MAP3K10: variants seen among roughly 807,000 people sequenced by gnomAD.
MAP3K10 encodes the protein mitogen-activated protein kinase kinase kinase 10.
A neutral mutation model predicts 75.0 loss-of-function variants in MAP3K10; 22 were observed. The ratio of observed to expected loss-of-function variants is 0.29; its 90% CI spans 0.21 to 0.42. The LOEUF (loss-of-function observed/expected upper bound fraction) is 0.42, where lower values mean the gene tolerates loss of function less well. MAP3K10 is among the 10% of genes least tolerant of loss of function. MAP3K10 has a pLI of 1.00. For synonymous variants in MAP3K10, 599 were observed against 612.9 expected (o/e 0.98, Z 0.34); for missense variants, 1,165 against 1,379.8 (o/e 0.84, Z 2.47).
chr19:40,207,163 A>G (rs1378443620), intron 5 of MAP3K10, among the ~76,000 whole-genome samples: 2 of 152,218 alleles, frequency 1.3e-5, no homozygotes, highest in African/African-American at 4.8e-5. Context: ...CTACAAAAAC[A>G]GAAGTTTCAC....
rs561716797 is a variant in MAP3K10, at chr19:40,191,767, C to T, written c.-265C>T. ...GCCGCGCGGCCAGGCCCTCTTAGCCCTCTGCCGTTTGGGGGGCACGGGTGA... is the reference window on the plus strand; with the variant it reads ...GCCGCGCGGCCAGGCCCTCTTAGCCTTCTGCCGTTTGGGGGGCACGGGTGA... On this transcript the variant is annotated 5_prime_UTR_variant, in exon 1 of 10. Transcript: ENST00000253055. 1.7e-3 allele frequency: 657 copies of T among 377,544 alleles called. 4 individuals are homozygous for T. The highest frequency in any genetic ancestry group is 0.013 in the African/African-American group (611 of 47,722). 23.4% of individuals were successfully genotyped at this position (377,544 alleles called of 1,614,324 possible).
rs1568494180 is a variant in MAP3K10, at chr19:40,212,877, G to A, written c.1625G>A (p.Gly542Glu). ...GGAAGTGGGACATGGAGCCGCGGTG[G>A]GCCCCCAAAGAAGGAAGAACTGGTC... is the stretch of plus-strand genomic sequence containing the variant. Reference protein sequence around the residue: ...SGGSGTWSRGGPPKKEELVGG... With the variant: ...SGGSGTWSRGEPPKKEELVGG... The change falls in exon 7 of 10, where the codon GGG becomes GAG. Residue 542 changes from glycine (G) to glutamate (E), a missense_variant. Coordinates refer to ENST00000253055, the MANE Select transcript of MAP3K10 (RefSeq NM_002446.4). The surrounding 1 kb of genome is among the most constrained non-coding windows in gnomAD (Gnocchi z 4.2). The A allele has an allele frequency of 1.2e-6, 2 of 1,612,352 alleles. No homozygotes were observed.
intron 1 of MAP3K10, among the ~76,000 whole-genome samples, chr19:40,195,360 A>T (rs1187322894): frequency 6.6e-6 from 1 of 151,972 alleles, no homozygotes; most frequent in Non-Finnish European, 1.5e-5. Context: ...TTTCGATACA[A>T]ACAGGAGAGG....
chr19:40,208,763 A>G (rs1372808637), intron 5 of MAP3K10, among the ~76,000 whole-genome samples: 1 of 151,978 alleles, frequency 6.6e-6, no homozygotes, highest in Non-Finnish European at 1.5e-5. Context: ...CAAGGTGCTC[A>G]GCTGCTACAC....
intron 5 of MAP3K10, among the ~76,000 whole-genome samples, chr19:40,208,345 C>CTTTTTTTCTTTT (rs1973163154): frequency 1.8e-5 from 1 of 55,904 alleles, no homozygotes; most frequent in Non-Finnish European, 3.3e-5. Context: ...CTCTTTCTTT[C>CTTTTTTTCTTTT]TTTTTTTTTT....
At chr19:40,202,383 C>G (rs921290002) in intron 2 of MAP3K10, among the ~76,000 whole-genome samples, 1 of 152,214 alleles carries the variant, frequency 6.6e-6, no homozygotes, top group Non-Finnish European at 1.5e-5. Context: ...GCTCCTGTGC[C>G]TGTCTGCTGT....
chr19:40,205,279 C>T lies in MAP3K10; in HGVS notation c.1171C>T (p.Leu391Phe). ...KLEIQHMFDD[L>F]RTKEKELRSR... ...GGAGATTCAGCACATGTTTGATGAC[C>T]TTCGGACCAAGGAGAAGGTGAAGGC... The change falls in exon 4 of 10, where the codon CTT (leucine) becomes TTT (phenylalanine). Residue 391 changes from leucine to phenylalanine, a missense_variant. Leu to Phe is a conservative substitution (Grantham distance 22, BLOSUM62 0). Around this residue, in one of 2 missense-constraint regions of MAP3K10, gnomAD observed 575 missense variants for 793.2 expected, o/e 0.72. Transcript: ENST00000253055. The surrounding 1 kb of genome is among the most constrained non-coding windows in gnomAD (Gnocchi z 4.3). 1 of 1,614,008 alleles carries T rather than the reference C, an allele frequency of 6.2e-7. No homozygotes were observed. Among genetic ancestry groups the T allele is most frequent in the Non-Finnish European group, 8.5e-7 (1 of 1,180,002 alleles).
chr19:40,209,053 G>T, intron 5 of MAP3K10, 50 bp from the exon 6 acceptor site: 2 of 1,343,844 alleles, frequency 1.5e-6, no homozygotes, highest in African/African-American at 1.4e-5. Context: ...AATTCCCTTT[G>T]GTAATCCCTG....
intron 6 of MAP3K10, among the ~76,000 whole-genome samples, chr19:40,209,477 A>G (rs1176083941): frequency 1.3e-5 from 2 of 151,298 alleles, no homozygotes; most frequent in Non-Finnish European, 2.9e-5. Context: ...CAGTGGTGCA[A>G]TCTTAGCTCA....
At position 40,198,541 on chromosome 19, in the gene MAP3K10, C is replaced by G; in HGVS notation, c.849C>G (p.Ser283Arg). The G allele has an allele frequency of 6.2e-7, 1 of 1,612,492 alleles. No individual in the cohort carries two copies. Among genetic ancestry groups the G allele is most frequent in the Admixed American group, 1.7e-5 (1 of 59,866 alleles). Reference sequence around the variant, plus strand: ...TCCGTCTCTCCCTCTTCTCCAAAAGCAGTGATGTCTGGAGGTGCTGAAAGG... The same window carrying G: ...TCCGTCTCTCCCTCTTCTCCAAAAGGAGTGATGTCTGGAGGTGCTGAAAGG... ...EVIRLSLFSK[S>R]SDVWSFGVLL... The change falls in exon 2 of 10, where the codon AGC becomes AGG. Residue 283 changes from serine to arginine, a missense_variant. Ser to Arg is a moderately radical substitution (Grantham distance 110). Transcript: ENST00000253055. This position sits in a 1 kb window ranked among gnomAD's most constrained non-coding sequence, Gnocchi z 4.3.
In MAP3K10 at chr19:40,214,173, G is replaced by A. The variant is rs763491728; in HGVS notation, c.2494G>A (p.Gly832Arg). 1.3e-6 allele frequency: 2 copies of A among 1,485,996 alleles called. No individual in the cohort carries two copies. The highest frequency in any genetic ancestry group is 2.7e-5 in the East Asian group (1 of 36,932). The allele number at this position is 1,485,996 out of a possible 1,614,324, so 92.1% of individuals were successfully genotyped here. The change falls in exon 9 of 10, where the codon GGG becomes AGG. Residue 832 changes from glycine (G) to arginine (R), a missense_variant. Gly to Arg is a moderately radical substitution (Grantham distance 125). Transcript: ENST00000253055. ...CGGGCACCGGCGGACGCCATCGGAC[G>A]GGGCGCTGGGGCAGCGGGGGCCGCC... The part of the protein sequence containing the change: ...SRGHRRTPSD[G>R]ALGQRGPPEP...
At position 40,209,156 on chromosome 19, in the gene MAP3K10, G is replaced by A. The variant is rs1160254085; in HGVS notation, c.1489G>A (p.Gly497Arg). The A allele has an allele frequency of 1.2e-6, 2 of 1,614,246 alleles. No homozygotes were observed. Among genetic ancestry groups the A allele is most frequent in the African/African-American group, 2.7e-5 (2 of 75,066 alleles). Residue 497 changes from glycine (G) to arginine (R), a missense_variant, in exon 6 of 10, where the codon GGA becomes AGA. By Grantham distance (125) the Gly-to-Arg change is moderately radical. Around this residue, in one of 2 missense-constraint regions of MAP3K10, gnomAD observed 575 missense variants for 793.2 expected, o/e 0.72. Transcript: ENST00000253055. The part of the protein sequence containing the change: ...QASPTLDKRK[G>R]SDGASPPASP... ...CTCTCCAACTCTGGATAAGCGGAAA[G>A]GATCCGATGGGGCCAGCCCCCCTGC...
chr19:40,214,675 C>T (rs1973317048), intron 9 of MAP3K10, among the ~76,000 whole-genome samples: 1 of 152,110 alleles, frequency 6.6e-6, no homozygotes. Flanking sequence ...GAGCTTAGCC[C>T]AGTGCAGGAG....
Position 40,198,496 on chromosome 19 carries a change from C to T in MAP3K10, c.804C>T (p.Ala268=). 6.2e-7 allele frequency: 1 copy of T among 1,614,154 alleles called. No individual in the cohort carries two copies. Among genetic ancestry groups the T allele is most frequent in the East Asian group, 2.2e-5 (1 of 44,874 alleles). ...TTKMSAAGTY[A]WMAPEVIRLS... ...AGATGAGCGCTGCGGGGACCTACGC[C>T]TGGATGGCGCCGGAGGTTATCCGTC... The change falls in exon 2 of 10, where the codon GCC becomes GCT. Residue 268 remains alanine (A), a synonymous_variant. Coordinates refer to ENST00000253055, the MANE Select transcript of MAP3K10 (RefSeq NM_002446.4). The surrounding 1 kb of genome is among the most constrained non-coding windows in gnomAD (Gnocchi z 4.3).
chr19:40,213,879 G>A lies in MAP3K10; in HGVS notation c.2200G>A (p.Val734Met), dbSNP rs551881274. The A allele has an allele frequency of 3.0e-5, 44 of 1,451,438 alleles. No homozygotes were observed. The East Asian group carries it at 1.2e-3, about 39-fold the overall frequency. The allele number at this position is 1,451,438 out of a possible 1,614,324, so 89.9% of individuals were successfully genotyped here. Residue 734 changes from valine (V) to methionine (M), a missense_variant, in exon 9 of 10, where the codon GTG becomes ATG. This residue lies in a region of MAP3K10 where 590 missense variants were observed against 586.6 expected (regional missense o/e 1.01). Transcript: ENST00000253055. The surrounding 1 kb of genome is among the most constrained non-coding windows in gnomAD (Gnocchi z 5.7). ...GCGTCCCCACGGCCGCCGCGAAGAC[G>A]TGGGCCCCGGCCTGGGCCTGGCGCC... ...PARPHGRRED[V>M]GPGLGLAPSA...
In MAP3K10 at chr19:40,213,204, C is replaced by T; in HGVS notation, c.1837+16C>T. The T allele has an allele frequency of 6.4e-7, 1 of 1,552,646 alleles. No individual in the cohort carries two copies. The highest frequency in any genetic ancestry group is 1.4e-5 in the African/African-American group (1 of 73,812). On this transcript the variant is annotated intron_variant, in intron 8 of 9. Transcript: ENST00000253055. This position sits in a 1 kb window ranked among gnomAD's most constrained non-coding sequence, Gnocchi z 5.7. Reference sequence around the variant, plus strand: ...AATGAGATGGGTAAGAGCCTGGGTTCTTGTAAGGGGGTGGGGGTTCCCTGG... The same window carrying T: ...AATGAGATGGGTAAGAGCCTGGGTTTTTGTAAGGGGGTGGGGGTTCCCTGG...
chr19:40,204,751 G>T lies in MAP3K10; in HGVS notation c.1012+118G>T. The T allele has an allele frequency of 7.9e-7, 1 of 1,264,142 alleles. No individual in the cohort carries two copies. The highest frequency in any genetic ancestry group is 1.5e-5 in the African/African-American group (1 of 66,962). The allele number at this position is 1,264,142 out of a possible 1,614,324, so 78.3% of individuals were successfully genotyped here. On this transcript the variant is annotated intron_variant, in intron 3 of 9. Transcript: ENST00000253055. The surrounding 1 kb of genome is among the most constrained non-coding windows in gnomAD (Gnocchi z 4.3). Reference sequence around the variant, plus strand: ...GTGGGCCCAGGAGTGAGGAAGAAGGGGCTGGAACCCACTGGACTCTAAACA... The same window carrying T: ...GTGGGCCCAGGAGTGAGGAAGAAGGTGCTGGAACCCACTGGACTCTAAACA...
intron 2 of MAP3K10, among the ~76,000 whole-genome samples, chr19:40,200,411 T>C (rs1239190535): frequency 6.6e-6 from 1 of 152,168 alleles, no homozygotes; most frequent in East Asian, 1.9e-4. Context: ...CAGGACCTTC[T>C]GCTTGGTTGG....
rs746055960 is a variant in MAP3K10 at position 40,204,674 on chromosome 19, G to A, written c.1012+41G>A. On this transcript the variant is annotated intron_variant, in intron 3 of 9. Coordinates refer to ENST00000253055, the MANE Select transcript of MAP3K10 (RefSeq NM_002446.4). This position sits in a 1 kb window ranked among gnomAD's most constrained non-coding sequence, Gnocchi z 4.3. Reference sequence around the variant, plus strand: ...GTGACGAGGGTAGGCTCAGCTTGGAGTGGCAGGGACCTGTGGGCCCAGACC... The same window carrying A: ...GTGACGAGGGTAGGCTCAGCTTGGAATGGCAGGGACCTGTGGGCCCAGACC... 3.1e-6 allele frequency: 5 copies of A among 1,598,238 alleles called. No individual in the cohort carries two copies. The highest frequency in any genetic ancestry group is 4.3e-6 in the Non-Finnish European group (5 of 1,171,278).
Sources: gnomAD v4.1 joint callset for allele counts (sites outside exome capture counted in the v4.1 genomes callset) on GRCh38, gnomAD v4.1.1 for gene constraint, gnomAD v4.1.1 regional missense constraint, Gnocchi (gnomAD v3.1) non-coding constraint, MANE v1.5 for transcripts, NCBI Gene and HGNC (gene_info 2026-07-23, HGNC 2026-07-21) for gene names.